The following TAAR5 variants were observed in gnomAD, a reference collection of about 807,000 sequenced individuals.
TAAR5 encodes trace amine associated receptor 5.
Under a neutral mutation model 21.1 loss-of-function variants are expected in TAAR5, and 27 were observed. The ratio of observed to expected loss-of-function variants is 1.28; its 90% CI spans 0.94 to 1.76. TAAR5 has a LOEUF of 1.76. TAAR5 is among the 40% of genes most tolerant of loss of function. The pLI, the probability that TAAR5 is intolerant of heterozygous loss-of-function variation, is 0.00. For synonymous variants in TAAR5, 203 were observed against 167.5 expected, an observed-to-expected ratio of 1.21 and a Z score of -1.64; for missense variants, 495 against 405.6, an observed-to-expected ratio of 1.22 and a Z score of -1.89.
chr6:132,589,784 G>A, upstream of TAAR5: 3 of 857,864 alleles, frequency 3.5e-6, no homozygotes, highest in Non-Finnish European at 5.0e-6. Flanking sequence ...AAATATGTCT[G>A]CTAAATAATC....
Position 132,588,599 on chromosome 6 carries a change from A to G in TAAR5, c.*74T>C. On this transcript the variant is annotated 3_prime_UTR_variant, in exon 1 of 1. Transcript: ENST00000258034. ...GAAGCATGCCCACAAACTCAACACC[A>G]CACAGCCCACGGTCACAGTGCCACT... is the stretch of plus-strand genomic sequence containing the variant. 2.6e-6 allele frequency: 4 copies of G among 1,515,910 alleles called. No individual in the cohort carries two copies. The South Asian group carries it at 5.1e-5, about 19-fold the overall frequency. The allele number at this position is 1,515,910 out of a possible 1,614,324, so 93.9% of individuals were successfully genotyped here.
the TAAR5 span, among the ~76,000 whole-genome samples, chr6:132,604,890 C>T: frequency 6.6e-6 from 1 of 152,176 alleles, no homozygotes. Flanking sequence ...GGAACCGCCA[C>T]CTCAACTAGA....
At chr6:132,611,337 TTAGA>T in the TAAR5 span, among the ~76,000 whole-genome samples, 5 of 151,780 alleles carry the variant, frequency 3.3e-5, no homozygotes, top group African/African-American at 7.3e-5. Flanking sequence ...AAAAATACAG[TTAGA>T]TAGAATGAAT....
the TAAR5 span, chr6:132,608,077 C>A: frequency 3.1e-6 from 1 of 322,592 alleles, no homozygotes; most frequent in Non-Finnish European, 6.0e-6. Context: ...ATTTACTAGT[C>A]AAAGATAGTG....
the TAAR5 span, among the ~76,000 whole-genome samples, chr6:132,602,567 T>G: frequency 6.6e-6 from 1 of 152,130 alleles, no homozygotes; most frequent in Non-Finnish European, 1.5e-5. Context: ...GATGAAGTTT[T>G]GCTTGCTTGC....
At chr6:132,601,691 T>A in the TAAR5 span, among the ~76,000 whole-genome samples, 1 of 152,224 alleles carries the variant, frequency 6.6e-6, no homozygotes, top group African/African-American at 2.4e-5. Flanking sequence ...TAATAGAATA[T>A]TCTGTAGACT....
the TAAR5 span, among the ~76,000 whole-genome samples, chr6:132,605,489 C>G: frequency 1.1e-4 from 16 of 152,268 alleles, 1 homozygote; most frequent in South Asian, 6.2e-4. Context: ...TATCTACAGA[C>G]AGTTCTCATT....
At chr6:132,608,383 T>G in the TAAR5 span, 2 of 455,832 alleles carry the variant, frequency 4.4e-6, no homozygotes, top group Admixed American at 4.7e-5. Context: ...AGAGTTGAAG[T>G]ACCGGAGCCA....
chr6:132,596,148 T>C, the TAAR5 span, among the ~76,000 whole-genome samples: 1 of 152,192 alleles, frequency 6.6e-6, no homozygotes, highest in Admixed American at 6.5e-5. Flanking sequence ...TTATCTCCTT[T>C]CATTTAGCAG....
Position 132,589,428 on chromosome 6 carries a change from C to A in TAAR5, c.259G>T (p.Val87Leu), listed in dbSNP as rs9493386. The change falls in exon 1 of 1, where the codon GTG becomes TTG. Residue 87 changes from valine to leucine, a missense_variant. Val to Leu is a conservative substitution (Grantham distance 32). Coordinates refer to ENST00000258034, the MANE Select transcript of TAAR5 (RefSeq NM_003967.3). ...GAGCGAATGGTGCTGAGGGGCAGCA[C>A]CAGCAGACCCAGAAACATGTCAGCC... ...ALADMFLGLL[V>L]LPLSTIRSVE... 7 of 1,614,042 alleles carry A rather than the reference C, an allele frequency of 4.3e-6. No individual in the cohort carries two copies. Among genetic ancestry groups the A allele is most frequent in the Middle Eastern group, 1.6e-4 (1 of 6,062 alleles).
the TAAR5 span, among the ~76,000 whole-genome samples, chr6:132,596,843 T>G: frequency 4.6e-5 from 7 of 152,138 alleles, no homozygotes; most frequent in African/African-American, 1.7e-4. Context: ...TCTAAAAGGC[T>G]GCAAATAATC....
At chr6:132,604,226 C>T in the TAAR5 span, among the ~76,000 whole-genome samples, 2 of 149,634 alleles carry the variant, frequency 1.3e-5, no homozygotes, top group African/African-American at 4.9e-5. Flanking sequence ...TCACTGCAAC[C>T]TCTGCCTCCT....
chr6:132,600,678 C>T, the TAAR5 span, among the ~76,000 whole-genome samples: 1 of 151,770 alleles, frequency 6.6e-6, no homozygotes, highest in Non-Finnish European at 1.5e-5. Context: ...CCACTCTTAA[C>T]TGCTCATCCC....
At chr6:132,595,387 C>T in the TAAR5 span, 1 of 152,396 alleles carries the variant, frequency 6.6e-6, no homozygotes, top group Non-Finnish European at 1.5e-5. Flanking sequence ...GTTAACTGAA[C>T]TAAAGCAAAA....
chr6:132,594,216 A>AC (rs1174267225), upstream of TAAR5, among the ~76,000 whole-genome samples: 1 of 152,184 alleles, frequency 6.6e-6, no homozygotes, highest in African/African-American at 2.4e-5. Context: ...CCAGAAATGG[A>AC]CCGCTTTGGT....
At chr6:132,610,273 T>A in the TAAR5 span, among the ~76,000 whole-genome samples, 1 of 152,190 alleles carries the variant, frequency 6.6e-6, no homozygotes, top group Non-Finnish European at 1.5e-5. Flanking sequence ...CTTGACATTG[T>A]GCCTATAACA....
the TAAR5 span, among the ~76,000 whole-genome samples, chr6:132,599,187 C>G: frequency 6.6e-6 from 1 of 152,314 alleles, no homozygotes; most frequent in African/African-American, 2.4e-5. Flanking sequence ...CTGGGGAAGA[C>G]ATTTCCATTA....
At chr6:132,590,493 C>T (rs1379254922), upstream of TAAR5, among the ~76,000 whole-genome samples, 3 of 152,188 alleles carry the variant, frequency 2.0e-5, no homozygotes, top group African/African-American at 7.2e-5. Context: ...AAGTTACTTA[C>T]ACAGGTAGGA....
the TAAR5 span, chr6:132,595,022 A>G: frequency 2.8e-4 from 42 of 152,330 alleles, no homozygotes; most frequent in African/African-American, 9.9e-4. Context: ...ACATATTGCA[A>G]TGGGTCTCAA....
Sources: gnomAD v4.1 joint callset for allele counts (sites outside exome capture counted in the v4.1 genomes callset) on GRCh38, gnomAD v4.1.1 for gene constraint, MANE v1.5 for transcripts, NCBI Gene and HGNC (gene_info 2026-07-23, HGNC 2026-07-21) for gene names.